Variants in FARS2 observed in about 807,000 individuals in gnomAD.
FARS2 encodes the protein phenylalanine--tRNA ligase, mitochondrial.
Under a neutral mutation model 46.4 loss-of-function variants are expected in FARS2, and 40 were observed. That is an observed-to-expected ratio of 0.86 (90% CI 0.67 to 1.12). The LOEUF (loss-of-function observed/expected upper bound fraction) is 1.12, where lower values mean the gene tolerates loss of function less well. Ranked by LOEUF, FARS2 falls within the 50% of genes most tolerant of loss-of-function variation. The pLI, the probability that FARS2 is intolerant of heterozygous loss-of-function variation, is 0.00. For missense variants in FARS2, 513 were observed against 567.9 expected, an observed-to-expected ratio of 0.90 and a Z score of 0.98; for synonymous variants, 234 against 214.9, an observed-to-expected ratio of 1.09 and a Z score of -0.78.
chr6:5,317,704 C>T (rs1476245932), intron 1 of FARS2, among the ~76,000 whole-genome samples: 5 of 151,648 alleles, frequency 3.3e-5, no homozygotes, highest in African/African-American at 9.7e-5. Context: ...CTCTTGAGCC[C>T]AGGAGGTTGA....
chr6:5,355,589 C>T (rs1757866301), intron 1 of FARS2, among the ~76,000 whole-genome samples: 1 of 151,766 alleles, frequency 6.6e-6, no homozygotes, highest in Non-Finnish European at 1.5e-5. Flanking sequence ...GAACTCCTGA[C>T]CTTGTGATCC....
At chr6:5,418,904 T>G (rs968754975) in intron 3 of FARS2, among the ~76,000 whole-genome samples, 2 of 151,782 alleles carry the variant, frequency 1.3e-5, no homozygotes, top group Admixed American at 6.6e-5. Flanking sequence ...TATTAGTTTT[T>G]CATATGGAAG....
chr6:5,324,443 C>G (rs1302824480), intron 1 of FARS2, among the ~76,000 whole-genome samples: 2 of 88,290 alleles, frequency 2.3e-5, no homozygotes, highest in Admixed American at 1.2e-4. Flanking sequence ...AGACTATTTG[C>G]TTTTTTTTTT....
intron 6 of FARS2, among the ~76,000 whole-genome samples, chr6:5,686,564 G>GGT (rs1225715636): frequency 1.3e-5 from 2 of 152,130 alleles, no homozygotes; most frequent in African/African-American, 4.8e-5. Context: ...AGTATTCCAT[G>GGT]GTATATATGT....
intron 4 of FARS2, among the ~76,000 whole-genome samples, chr6:5,535,062 G>A (rs1224074807): frequency 6.6e-6 from 1 of 152,098 alleles, no homozygotes; most frequent in Non-Finnish European, 1.5e-5. Flanking sequence ...AACCACCCTA[G>A]TAGATGTGAA....
chr6:5,720,999 G>C, intron 6 of FARS2, among the ~76,000 whole-genome samples: 1 of 152,198 alleles, frequency 6.6e-6, no homozygotes. Flanking sequence ...GCTGCAGTGA[G>C]CTGTGATCAT....
chr6:5,762,303 A>G (rs1024167518), intron 6 of FARS2, among the ~76,000 whole-genome samples: 2 of 152,236 alleles, frequency 1.3e-5, no homozygotes, highest in Non-Finnish European at 2.9e-5. Flanking sequence ...TATATTTTAG[A>G]AGGAGAACCT....
Position 5,431,087 on chromosome 6 carries a change from T to A in FARS2, c.819T>A (p.Pro273=), listed in dbSNP as rs201042275. 65 of 1,613,958 alleles carry A rather than the reference T, an allele frequency of 4.0e-5. No individual in the cohort carries two copies. Among genetic ancestry groups the A allele is most frequent in the Middle Eastern group, 3.3e-4 (2 of 6,062 alleles). Residue 273 remains proline, a synonymous_variant, in exon 4 of 7, where the codon CCT becomes CCA. Transcript: ENST00000274680. ...WVDCYFPFTH[P]SFEMEINFHG... is the part of the protein sequence containing the mutation. ...ACTGCTACTTCCCTTTTACACATCC[T>A]TCCTTTGAGATGGAGATCAACTTTC...
intron 6 of FARS2, among the ~76,000 whole-genome samples, chr6:5,671,401 A>G (rs1195691786): frequency 1.3e-5 from 2 of 152,336 alleles, no homozygotes; most frequent in African/African-American, 2.4e-5. Context: ...AATGTGGTGT[A>G]GCAAGAGGAA....
chr6:5,558,586 G>A (rs1771804227), intron 5 of FARS2, among the ~76,000 whole-genome samples: 1 of 151,940 alleles, frequency 6.6e-6, no homozygotes, highest in African/African-American at 2.4e-5. Context: ...CCCCAGGCTC[G>A]AGTGCAGTGG....
intron 5 of FARS2, among the ~76,000 whole-genome samples, chr6:5,590,446 C>G (rs1336793333): frequency 6.6e-6 from 1 of 152,190 alleles, no homozygotes; most frequent in African/African-American, 2.4e-5. Flanking sequence ...GAGGTCATAG[C>G]TACCAGCTGT....
chr6:5,640,592 T>C (rs61324636), intron 6 of FARS2, among the ~76,000 whole-genome samples: 5 of 152,120 alleles, frequency 3.3e-5, no homozygotes, highest in African/African-American at 9.7e-5. Context: ...AGGCATGGGA[T>C]TGAGGCAGCG....
At chr6:5,720,608 A>G (rs1424794332) in intron 6 of FARS2, among the ~76,000 whole-genome samples, 1 of 152,236 alleles carries the variant, frequency 6.6e-6, no homozygotes, top group Admixed American at 6.5e-5. Context: ...TTACATTCAT[A>G]AGTCTCAAGA....
intron 2 of FARS2, among the ~76,000 whole-genome samples, chr6:5,395,106 A>G (rs1175650435): frequency 6.6e-6 from 1 of 152,128 alleles, no homozygotes; most frequent in Non-Finnish European, 1.5e-5. Flanking sequence ...GCTGGAGTGC[A>G]ATGGTGTGAT....
At chr6:5,707,559 G>A (rs1346072791) in intron 6 of FARS2, among the ~76,000 whole-genome samples, 1 of 152,200 alleles carries the variant, frequency 6.6e-6, no homozygotes, top group Non-Finnish European at 1.5e-5. Flanking sequence ...TATGGGTCTA[G>A]TTTAGGACTC....
intron 6 of FARS2, among the ~76,000 whole-genome samples, chr6:5,615,828 T>C (rs1775440987): frequency 6.6e-6 from 1 of 151,966 alleles, no homozygotes; most frequent in African/African-American, 2.4e-5. Flanking sequence ...AAGGCTTTAT[T>C]TTTCTAGAAT....
At chr6:5,559,555 G>A (rs1377783821) in intron 5 of FARS2, among the ~76,000 whole-genome samples, 1 of 152,140 alleles carries the variant, frequency 6.6e-6, no homozygotes. Flanking sequence ...CCATTTGTAT[G>A]TGTCCAAAAA....
At chr6:5,628,417 G>A (rs567199247) in intron 6 of FARS2, among the ~76,000 whole-genome samples, 25 of 152,212 alleles carry the variant, frequency 1.6e-4, no homozygotes, top group African/African-American at 3.4e-4. Context: ...CCTCTGACCC[G>A]GGCTGTCAGA....
At chr6:5,734,410 A>G (rs1760820068) in intron 6 of FARS2, among the ~76,000 whole-genome samples, 1 of 152,176 alleles carries the variant, frequency 6.6e-6, no homozygotes. Context: ...TCTTGTTTCC[A>G]CTGTGACATA....
Sources: gnomAD v4.1 joint callset for allele counts (sites outside exome capture counted in the v4.1 genomes callset) on GRCh38, gnomAD v4.1.1 for gene constraint, MANE v1.5 for transcripts, NCBI Gene and HGNC (gene_info 2026-07-23, HGNC 2026-07-21) for gene names.